PRELID2: variants seen among roughly 807,000 people sequenced by gnomAD.
PRELID2 encodes the protein PRELI domain-containing protein 2.
In PRELID2, 25 loss-of-function variants were observed where a neutral mutation model predicts 28.4. The ratio of observed to expected loss-of-function variants is 0.88; its 90% CI spans 0.64 to 1.23. The LOEUF (loss-of-function observed/expected upper bound fraction) is 1.23, where lower values mean the gene tolerates loss of function less well. Ranked by LOEUF, PRELID2 falls within the 50% of genes most tolerant of loss-of-function variation. The pLI is 0.00. For missense variants in PRELID2, 201 were observed against 214.4 expected, an observed-to-expected ratio of 0.94 and a Z score of 0.39; for synonymous variants, 76 against 71.6, an observed-to-expected ratio of 1.06 and a Z score of -0.31.
At chr5:145,611,652 A>G (rs1339411828) in intron 1 of PRELID2, among the ~76,000 whole-genome samples, 1 of 152,254 alleles carries the variant, frequency 6.6e-6, no homozygotes, top group East Asian at 1.9e-4. Context: ...TAAATGAAAG[A>G]ATATACTATT....
At chr5:145,317,425 G>C in the PRELID2 span, among the ~76,000 whole-genome samples, 1 of 152,288 alleles carries the variant, frequency 6.6e-6, no homozygotes, top group African/African-American at 2.4e-5. Flanking sequence ...GCCCTATATT[G>C]TAGACCAGCT....
At position 145,828,994 on chromosome 5, in the gene PRELID2, T is replaced by C. The variant is rs185762311; in HGVS notation, c.76-5860A>G. On this transcript the variant is annotated intron_variant, in intron 1 of 6. Transcript: ENST00000683046. ...CTGGGACTACAGGTGTGTGCCACCA[T>C]GCCCCGGCTAATTTTGGGGGTTTTT... Among the ~76,000 whole-genome samples the C allele has an allele frequency of 7.9e-5, 12 of 151,914 alleles. No individual in the cohort carries two copies. The East Asian group carries it at 1.9e-3, about 25-fold the overall frequency.
chr5:145,585,056 C>G, intron 1 of PRELID2, among the ~76,000 whole-genome samples: 1 of 152,062 alleles, frequency 6.6e-6, no homozygotes, highest in East Asian at 1.9e-4. Context: ...CAGTGATAGA[C>G]TGGATAAAGA....
the PRELID2 span, among the ~76,000 whole-genome samples, chr5:145,406,786 C>G: frequency 6.6e-6 from 1 of 152,190 alleles, no homozygotes; most frequent in African/African-American, 2.4e-5. Flanking sequence ...TGCCTCTGAA[C>G]ACACATTCCC....
At chr5:145,623,594 G>A (rs1753802623) in intron 1 of PRELID2, among the ~76,000 whole-genome samples, 1 of 152,148 alleles carries the variant, frequency 6.6e-6, no homozygotes, top group Non-Finnish European at 1.5e-5. Context: ...GTGGAAACTT[G>A]AGATAGACAG....
rs34918986 is a variant in PRELID2, at chr5:145,787,547, A to ATT, written c.474+8893_474+8894dup. On this transcript the variant is annotated intron_variant, in intron 5 of 6. Coordinates refer to ENST00000683046, the MANE Select transcript of PRELID2 (RefSeq NM_205846.3). ...AGGGCAATATTGAAAAGAGGCAACAATTTTTTTTTTTTTGACATAGGGTCT... is the reference window on the plus strand; with the variant it reads ...AGGGCAATATTGAAAAGAGGCAACAATTTTTTTTTTTTTTTGACATAGGGTCT... 8.7e-3 allele frequency among the ~76,000 whole-genome samples: 1,285 copies of ATT among 148,262 alleles called. 14 individuals carry two copies. The highest frequency in any genetic ancestry group is 0.021 in the Middle Eastern group (6 of 284).
the PRELID2 span, among the ~76,000 whole-genome samples, chr5:145,453,620 C>T: frequency 6.6e-6 from 1 of 152,084 alleles, no homozygotes; most frequent in East Asian, 1.9e-4. Flanking sequence ...CCCCTAGACC[C>T]CCAACCCTGA....
intron 4 of PRELID2, among the ~76,000 whole-genome samples, chr5:145,816,343 A>G (rs576661626): frequency 2.0e-5 from 3 of 152,030 alleles, no homozygotes; most frequent in South Asian, 4.2e-4. Flanking sequence ...TGGCCTCCCA[A>G]AGTGCTAGGA....
intron 5 of PRELID2, among the ~76,000 whole-genome samples, chr5:145,781,638 CTATA>C (rs1219188550): frequency 7.4e-6 from 1 of 136,024 alleles, no homozygotes; most frequent in Non-Finnish European, 1.5e-5. Flanking sequence ...TATATACACA[CTATA>C]TATATACTAT....
chr5:145,724,599 A>AT lies in PRELID2; in HGVS notation n.70+40331_70+40332insA, dbSNP rs1491173450. Among the ~76,000 whole-genome samples, 280 of 70,744 alleles carry AT rather than the reference A, an allele frequency of 4.0e-3. 8 individuals are homozygous for AT. Among genetic ancestry groups the AT allele is most frequent in the Non-Finnish European group, 5.9e-3 (236 of 40,290 alleles). 46.4% of individuals were successfully genotyped at this position (70,744 alleles called of 152,430 possible). A position where few individuals can be genotyped will look rare whatever the true frequency, so the allele number is the denominator to read the frequency against. ...AACACTGAAATAACAAGAAGTAAAT[A>AT]AATATATATATATATATATATATAT... is the stretch of plus-strand genomic sequence containing the variant. On this transcript the variant is annotated intron_variant and non_coding_transcript_variant, in intron 1 of 2. Transcript: ENST00000510259.
chr5:145,342,160 T>G, the PRELID2 span, among the ~76,000 whole-genome samples: 1 of 152,146 alleles, frequency 6.6e-6, no homozygotes, highest in Admixed American at 6.5e-5. Flanking sequence ...TCAGCAAAAT[T>G]ATCCTTCATG....
intron 1 of PRELID2, among the ~76,000 whole-genome samples, chr5:145,582,542 C>G (rs1017823098): frequency 2.0e-5 from 3 of 151,928 alleles, no homozygotes; most frequent in Admixed American, 6.6e-5. Context: ...GACACAGAGC[C>G]AAATCAAAGC....
chr5:145,413,697 C>T, the PRELID2 span, among the ~76,000 whole-genome samples: 1 of 151,558 alleles, frequency 6.6e-6, no homozygotes, highest in African/African-American at 2.4e-5. Context: ...TTTACTCATC[C>T]CCCACCCCCT....
At chr5:145,514,781 A>G (rs1264766173) in intron 1 of PRELID2, among the ~76,000 whole-genome samples, 1 of 151,526 alleles carries the variant, frequency 6.6e-6, no homozygotes, top group Non-Finnish European at 1.5e-5. Context: ...AAAAAAAAAG[A>G]AAGAAAAGGA....
intron 1 of PRELID2, among the ~76,000 whole-genome samples, chr5:145,495,120 C>T (rs996699771): frequency 1.3e-5 from 2 of 152,272 alleles, no homozygotes; most frequent in Admixed American, 6.5e-5. Context: ...ATCAAATGTT[C>T]GCCTCCACCA....
intron 1 of PRELID2, among the ~76,000 whole-genome samples, chr5:145,662,878 T>C (rs1047114147): frequency 6.6e-6 from 1 of 152,120 alleles, no homozygotes; most frequent in Non-Finnish European, 1.5e-5. Flanking sequence ...ATTACCCAGT[T>C]TCAGGTATTC....
chr5:145,588,106 G>A (rs376878405), intron 1 of PRELID2, among the ~76,000 whole-genome samples: 10 of 152,170 alleles, frequency 6.6e-5, no homozygotes, highest in South Asian at 6.2e-4. Flanking sequence ...TGTTTCATTC[G>A]TTTAGAACTA....
downstream of PRELID2, among the ~76,000 whole-genome samples, chr5:145,468,729 G>T (rs962172302): frequency 1.4e-4 from 21 of 152,090 alleles, no homozygotes; most frequent in East Asian, 4.1e-3. Flanking sequence ...TTGAGAAGTG[G>T]CTGTTCATAT....
the PRELID2 span, among the ~76,000 whole-genome samples, chr5:145,447,470 C>CTTT: frequency 1.3e-4 from 18 of 134,658 alleles, no homozygotes; most frequent in Non-Finnish European, 2.1e-4. Flanking sequence ...CTGAAATTTT[C>CTTT]TTTTTTTTTT....
Sources: allele counts gnomAD v4.1 joint callset (sites outside exome capture counted in the v4.1 genomes callset), GRCh38; gene constraint gnomAD v4.1.1; transcripts MANE v1.5; gene names NCBI Gene and HGNC (gene_info 2026-07-23, HGNC 2026-07-21).